The following DNMT1 variants were observed in gnomAD, a reference collection of about 807,000 sequenced individuals.
The protein encoded by DNMT1 is DNA (cytosine-5)-methyltransferase 1.
A neutral mutation model predicts 205.3 loss-of-function variants in DNMT1; 24 were observed. The ratio of observed to expected loss-of-function variants is 0.12; its 90% CI spans 0.08 to 0.16. The LOEUF is 0.16. Ranked by LOEUF, DNMT1 falls within the 10% of genes least tolerant of loss-of-function variation. DNMT1 has a pLI of 1.00. For missense variants in DNMT1, 1,293 were observed against 2,177.7 expected, an observed-to-expected ratio of 0.59 and a Z score of 8.09; for synonymous variants, 817 against 839.8, an observed-to-expected ratio of 0.97 and a Z score of 0.47.
At position 10,137,214 on chromosome 19, in the gene DNMT1, C is replaced by A; in HGVS notation, c.4360G>T (p.Asp1454Tyr). 2 of 1,610,860 alleles carry A rather than the reference C, an allele frequency of 1.2e-6. No individual in the cohort carries two copies. Among genetic ancestry groups the A allele is most frequent in the South Asian group, 2.2e-5 (2 of 90,418 alleles). The change falls in exon 37 of 41, where the codon GAT becomes TAT. Residue 1454 changes from aspartate (D) to tyrosine (Y), a missense_variant. Physicochemically the swap from Asp to Tyr is radical, Grantham distance 160. Transcript: ENST00000359526. The surrounding 1 kb of genome is among the most constrained non-coding windows in gnomAD (Gnocchi z 6.4). ...AGCCGCACCTCGATGTTGGGCAGAT[C>A]GCGCCAGTCTGACCCTGGGGCCAAG... ...IPLAPGSDWR[D>Y]LPNIEVRLSD... is the part of the protein sequence containing the mutation.
chr19:10,167,123 G>A (rs6511677), intron 10 of DNMT1, among the ~76,000 whole-genome samples: 53,345 of 152,028 alleles, frequency 0.35, 10,048 homozygotes, highest in Non-Finnish European at 0.43. Context: ...CGCTCAGGTG[G>A]GGTATTCTGC....
Position 10,159,833 on chromosome 19 carries a change from T to C in DNMT1, c.1170+9A>G, listed in dbSNP as rs1249452507. ...GGCAGAGGAAGGCTGGGAAGAGAGC[T>C]GTACGTACCGCGTCTGGTGGGTGCT... On this transcript the variant is annotated intron_variant, in intron 16 of 40. Transcript: ENST00000359526. This position sits in a 1 kb window ranked among gnomAD's most constrained non-coding sequence, Gnocchi z 5.0. 6.2e-7 allele frequency: 1 copy of C among 1,614,186 alleles called. No individual in the cohort carries two copies. The highest frequency in any genetic ancestry group is 1.1e-5 in the South Asian group (1 of 91,076).
chr19:10,149,719 G>A, intron 25 of DNMT1, 62 bp from the exon 26 acceptor site: 2 of 1,611,100 alleles, frequency 1.2e-6, no homozygotes, highest in Non-Finnish European at 1.7e-6. Context: ...ATGTGACCAA[G>A]TCTATGCAGG....
rs550960666 is a variant in DNMT1, at chr19:10,159,531, G to T, written c.1280+127C>A. ...GCCCTCCACGGTGGCTCTTATCCAC[G>T]AAGTGTTAGCTTAAGACATGTTGCA... is the stretch of plus-strand genomic sequence containing the variant. On this transcript the variant is annotated intron_variant, in intron 17 of 40. Transcript: ENST00000359526. The surrounding 1 kb of genome is among the most constrained non-coding windows in gnomAD (Gnocchi z 5.0). 5 of 995,538 alleles carry T rather than the reference G, an allele frequency of 5.0e-6. No homozygotes were observed. Among genetic ancestry groups the T allele is most frequent in the Non-Finnish European group, 7.7e-6 (5 of 651,794 alleles). 61.7% of individuals were successfully genotyped at this position (995,538 alleles called of 1,614,324 possible).
In DNMT1 at chr19:10,154,829, G is replaced by C; in HGVS notation, c.1645-56C>G. 6.2e-7 allele frequency: 1 copy of C among 1,614,216 alleles called. No individual in the cohort carries two copies. Among genetic ancestry groups the C allele is most frequent in the Non-Finnish European group, 8.5e-7 (1 of 1,180,042 alleles). On this transcript the variant is annotated intron_variant, in intron 20 of 40. Coordinates refer to ENST00000359526, the MANE Select transcript of DNMT1 (RefSeq NM_001130823.3). The surrounding 1 kb of genome is among the most constrained non-coding windows in gnomAD (Gnocchi z 6.3). ...AAGCCAAACTGGCCTAAATCCAACT[G>C]AAGAACAGTGTCTGCTGGTTCTGAA...
rs747272220 is a variant in DNMT1 at position 10,163,328 on chromosome 19, A to G, written c.924T>C (p.Asp308=). 6.2e-7 allele frequency: 1 copy of G among 1,613,972 alleles called. No individual in the cohort carries two copies. The highest frequency in any genetic ancestry group is 8.5e-7 in the Non-Finnish European group (1 of 1,179,954). Residue 308 remains aspartate (D), a splice_region_variant and synonymous_variant, in exon 12 of 41, where the codon GAT becomes GAC. Coordinates refer to ENST00000359526, the MANE Select transcript of DNMT1 (RefSeq NM_001130823.3). ...GCACAAGCATTTTAAACACTTACAG[A>G]TCTTTGGGTTGACTTCTGTGCTTCT... ...DEKKHRSQPK[D]LAAKRRPEEK...
chr19:10,194,877 G>A lies in DNMT1; in HGVS notation c.23C>T (p.Ala8Val). MPARTAP[A>V]RVPTLAVPAI... ...CGGGACGGCCAGTGTGGGCACCCGGGCTGGGGCGGTACGCGCCGGCATCTC... is the reference window on the plus strand; with the variant it reads ...CGGGACGGCCAGTGTGGGCACCCGGACTGGGGCGGTACGCGCCGGCATCTC... Residue 8 changes from alanine (A) to valine (V), a missense_variant, in exon 1 of 41, where the codon GCC (alanine) becomes GTC (valine). Ala to Val is a moderately conservative substitution (Grantham distance 64). This residue lies in a region of DNMT1 where 394 missense variants were observed against 451.6 expected (regional missense o/e 0.87). Coordinates refer to ENST00000359526, the MANE Select transcript of DNMT1 (RefSeq NM_001130823.3). The A allele has an allele frequency of 1.2e-6, 2 of 1,610,546 alleles. No individual in the cohort carries two copies. Among genetic ancestry groups the A allele is most frequent in the Non-Finnish European group, 1.7e-6 (2 of 1,178,854 alleles).
At chr19:10,183,358 A>C (rs573267275) in intron 1 of DNMT1, among the ~76,000 whole-genome samples, 8 of 151,088 alleles carry the variant, frequency 5.3e-5, no homozygotes, top group Admixed American at 2.0e-4. Flanking sequence ...CAGGCGATCC[A>C]CCTGCCTCAG....
Position 10,180,583 on chromosome 19 carries a change from G to A in DNMT1, c.226-14C>T, listed in dbSNP as rs1409068457. The A allele has an allele frequency of 6.2e-7, 1 of 1,613,092 alleles. No homozygotes were observed. Among genetic ancestry groups the A allele is most frequent in the Non-Finnish European group, 8.5e-7 (1 of 1,179,286 alleles). On this transcript the variant is annotated splice_polypyrimidine_tract_variant and intron_variant, in intron 3 of 40. Transcript: ENST00000359526. The stretch of plus-strand genomic sequence containing the variant: ...CAGGTAGCCCTCCTACAGCAGGAAA[G>A]GATAATTTAAGTAGCAGTGAATGTA...
In DNMT1 at chr19:10,138,092, C is replaced by G. The variant is rs912708995; in HGVS notation, c.4116-83G>C. 8.1e-6 allele frequency: 12 copies of G among 1,484,072 alleles called. No individual in the cohort carries two copies. In the African/African-American group the frequency reaches 9.7e-5, roughly 12 times the overall value. 91.9% of individuals were successfully genotyped at this position (1,484,072 alleles called of 1,614,324 possible). ...TCACAGGTGCCACCCCCTGCCTGCT[C>G]AGATGGCCTTCTCCCGAGATCACAG... On this transcript the variant is annotated intron_variant, in intron 35 of 40. Coordinates refer to ENST00000359526, the MANE Select transcript of DNMT1 (RefSeq NM_001130823.3). The surrounding 1 kb of genome is among the most constrained non-coding windows in gnomAD (Gnocchi z 4.1).
intron 10 of DNMT1, among the ~76,000 whole-genome samples, chr19:10,166,955 G>C (rs549322880): frequency 2.6e-5 from 4 of 152,314 alleles, no homozygotes; most frequent in African/African-American, 9.6e-5. Context: ...GATTTCCGTG[G>C]CCTGATGGGA....
At chr19:10,144,149 C>A in intron 28 of DNMT1, 162 bp from the exon 29 acceptor site, 1 of 771,408 alleles carries the variant, frequency 1.3e-6, no homozygotes, top group South Asian at 1.5e-5. Context: ...GTGGCTCACG[C>A]CTGTAATCCC....
chr19:10,192,820 A>C (rs555455566), intron 1 of DNMT1, among the ~76,000 whole-genome samples: 9 of 152,172 alleles, frequency 5.9e-5, no homozygotes, highest in African/African-American at 1.9e-4. Flanking sequence ...AGGCTGAGGC[A>C]GGTGGATCAC....
rs1248640472 is a variant in DNMT1 at position 10,177,281 on chromosome 19, C to T, written c.569+11G>A. The T allele has an allele frequency of 3.7e-6, 6 of 1,613,664 alleles. No homozygotes were observed. In the African/African-American group the frequency reaches 5.3e-5, roughly 14 times the overall value. On this transcript the variant is annotated intron_variant, in intron 6 of 40. Coordinates refer to ENST00000359526, the MANE Select transcript of DNMT1 (RefSeq NM_001130823.3). ...CTAAAAAAGGCAGCCGCCAATTTAT[C>T]GTATACTGACCCCTTTGCAAAATGA...
intron 13 of DNMT1, among the ~76,000 whole-genome samples, chr19:10,161,419 T>C (rs994926999): frequency 6.6e-6 from 1 of 152,044 alleles, no homozygotes; most frequent in Non-Finnish European, 1.5e-5. Context: ...GAAGCCCAGG[T>C]GGGAGGACTG....
intron 1 of DNMT1, among the ~76,000 whole-genome samples, chr19:10,190,394 T>G (rs539902032): frequency 3.9e-5 from 6 of 152,064 alleles, no homozygotes; most frequent in Non-Finnish European, 7.4e-5. Flanking sequence ...AATGGCACCA[T>G]GCGGGATACA....
intron 28 of DNMT1, 108 bp from the exon 29 acceptor site, chr19:10,144,095 T>C: frequency 1.8e-6 from 2 of 1,109,236 alleles, no homozygotes; most frequent in Non-Finnish European, 2.7e-6. Context: ...ACCTGATGAA[T>C]TAAGGTAGGT....
At chr19:10,175,080 TACATACACAC>T (rs1412383652) in intron 7 of DNMT1, among the ~76,000 whole-genome samples, 2 of 90,610 alleles carry the variant, frequency 2.2e-5, no homozygotes, top group Non-Finnish European at 4.1e-5. Context: ...AATACATACA[TACATACACAC>T]ACACACACAC....
chr19:10,189,978 C>A (rs527680712), intron 1 of DNMT1, among the ~76,000 whole-genome samples: 33 of 152,192 alleles, frequency 2.2e-4, no homozygotes, highest in Non-Finnish European at 3.8e-4. Flanking sequence ...CACCAAGGCA[C>A]CAAGAAGTTC....
Sources: gnomAD v4.1 joint callset for allele counts (sites outside exome capture counted in the v4.1 genomes callset) on GRCh38, gnomAD v4.1.1 for gene constraint, gnomAD v4.1.1 regional missense constraint, Gnocchi (gnomAD v3.1) non-coding constraint, MANE v1.5 for transcripts, NCBI Gene and HGNC (gene_info 2026-07-23, HGNC 2026-07-21) for gene names.